PRR5L: variants seen among roughly 807,000 people sequenced by gnomAD.
PRR5L encodes the protein proline-rich protein 5-like.
PRR5L carries 21 observed loss-of-function variants against 36.4 expected under a neutral mutation model. That is an observed-to-expected ratio of 0.58 (90% CI 0.41 to 0.83). PRR5L has a LOEUF of 0.83. Among genes scored for constraint, PRR5L ranks in the 40% least tolerant of loss-of-function variants. The probability of loss-of-function intolerance (pLI) is 0.00; values close to 1 mark genes in which losing one functional copy is unlikely to be tolerated. For missense variants in PRR5L, 381 were observed against 473.3 expected (o/e 0.80, Z 1.81); for synonymous variants, 188 against 197.0 (o/e 0.95, Z 0.38).
intron 2 of PRR5L, among the ~76,000 whole-genome samples, chr11:36,401,569 C>A (rs1201319260): frequency 6.6e-6 from 1 of 152,102 alleles, no homozygotes; most frequent in Non-Finnish European, 1.5e-5. Context: ...GGACTACAGG[C>A]ACATGCCACC....
At chr11:36,373,488 G>A (rs1235476268) in intron 1 of PRR5L, among the ~76,000 whole-genome samples, 1 of 151,792 alleles carries the variant, frequency 6.6e-6, no homozygotes, top group Non-Finnish European at 1.5e-5. Flanking sequence ...TGATCCCAGT[G>A]CTTTGGGAGG....
chr11:36,410,474 C>T (rs12295535), intron 3 of PRR5L, among the ~76,000 whole-genome samples: 7,613 of 152,198 alleles, frequency 0.05, 257 homozygotes, highest in African/African-American at 0.099. Context: ...TTGGGATCTA[C>T]CAATGTATGG....
intron 1 of PRR5L, among the ~76,000 whole-genome samples, chr11:36,329,833 C>T (rs1447756298): frequency 6.6e-6 from 1 of 152,146 alleles, no homozygotes; most frequent in African/African-American, 2.4e-5. Context: ...ATACAGTTTC[C>T]TGAGACTGCC....
At chr11:36,370,506 G>T (rs552846667) in intron 1 of PRR5L, among the ~76,000 whole-genome samples, 1 of 152,290 alleles carries the variant, frequency 6.6e-6, no homozygotes, top group East Asian at 1.9e-4. Context: ...ACTGGTGCTT[G>T]ACACCAATAA....
chr11:36,318,534 CTG>C (rs1856581174), intron 1 of PRR5L, among the ~76,000 whole-genome samples: 1 of 150,956 alleles, frequency 6.6e-6, no homozygotes, highest in Non-Finnish European at 1.5e-5. Context: ...TGTGGAGCTA[CTG>C]TTAGCTATGA....
chr11:36,331,459 TAAA>T lies in PRR5L; in HGVS notation c.-126+35022_-126+35024del, dbSNP rs879890042. ...GAAAAAAAGATTTGGTTCTCTTAAA[TAAA>T]CAAAAACATGATAAAGATAACATAA... On this transcript the variant is annotated intron_variant, in intron 1 of 8. Transcript: ENST00000530639. 3.7e-3 allele frequency among the ~76,000 whole-genome samples: 556 copies of T among 152,258 alleles called. 2 individuals carry two copies. The highest frequency in any genetic ancestry group is 6.2e-3 in the Non-Finnish European group (424 of 68,002).
intron 1 of PRR5L, among the ~76,000 whole-genome samples, chr11:36,312,009 G>A (rs571380034): frequency 6.6e-6 from 1 of 152,314 alleles, no homozygotes; most frequent in African/African-American, 2.4e-5. Flanking sequence ...ATGGGAAGGA[G>A]TGAGAGGAGA....
intron 1 of PRR5L, among the ~76,000 whole-genome samples, chr11:36,376,966 C>G (rs940570347): frequency 6.6e-6 from 1 of 152,116 alleles, no homozygotes; most frequent in African/African-American, 2.4e-5. Flanking sequence ...AGGCCACGCT[C>G]CCGGTCTGCT....
chr11:36,350,945 TA>T (rs1565406389), intron 1 of PRR5L, among the ~76,000 whole-genome samples: 1,789 of 21,630 alleles, frequency 0.083, 276 homozygotes, highest in African/African-American at 0.14. Flanking sequence ...TATTTATATA[TA>T]TATATTTATA....
intron 1 of PRR5L, among the ~76,000 whole-genome samples, chr11:36,374,321 C>T (rs887746042): frequency 4.6e-5 from 7 of 152,126 alleles, no homozygotes; most frequent in Non-Finnish European, 8.8e-5. Context: ...TCTTGAACTC[C>T]TGACCTCGTG....
chr11:36,362,307 T>C (rs999036855), intron 1 of PRR5L: 2 of 152,040 alleles, frequency 1.3e-5, no homozygotes, highest in African/African-American at 4.8e-5. Context: ...AGGACCCTAT[T>C]CCTTCACTTT....
chr11:36,357,739 T>C (rs964109625), intron 1 of PRR5L, among the ~76,000 whole-genome samples: 1 of 152,190 alleles, frequency 6.6e-6, no homozygotes, highest in African/African-American at 2.4e-5. Context: ...AAAACATTAC[T>C]GCTCATTGAC....
intron 1 of PRR5L, among the ~76,000 whole-genome samples, chr11:36,354,326 G>A (rs1395227897): frequency 6.6e-6 from 1 of 152,148 alleles, no homozygotes; most frequent in South Asian, 2.1e-4. Context: ...CTATTTTATT[G>A]CTAGGAACAA....
chr11:36,416,755 G>A (rs1167704394), intron 3 of PRR5L, among the ~76,000 whole-genome samples: 1 of 152,158 alleles, frequency 6.6e-6, no homozygotes, highest in Non-Finnish European at 1.5e-5. Flanking sequence ...CTGCACCCTA[G>A]CTGCAATGTA....
At chr11:36,302,042 T>A (rs879659949) in intron 1 of PRR5L, among the ~76,000 whole-genome samples, 7 of 151,836 alleles carry the variant, frequency 4.6e-5, no homozygotes, top group Non-Finnish European at 8.8e-5. Context: ...TTGTTGGGAG[T>A]ATATGGGAGT....
Position 36,361,780 on chromosome 11 carries a change from C to G in PRR5L, c.-125-39217C>G, listed in dbSNP as rs564852283. ...ACCTAACACAAGTCACTTGTTTTTA[C>G]TTGTTTTTCTCCTTTGTTTTAGAGC... On this transcript the variant is annotated intron_variant, in intron 1 of 8. Transcript: ENST00000530639. Among the ~76,000 whole-genome samples the G allele has an allele frequency of 3.3e-5, 5 of 152,270 alleles. No homozygotes were observed. The South Asian group carries it at 8.3e-4, about 25-fold the overall frequency.
intron 1 of PRR5L, chr11:36,393,912 G>A (rs895130239): frequency 1.3e-5 from 2 of 152,126 alleles, no homozygotes; most frequent in African/African-American, 4.8e-5. Flanking sequence ...ACCATGTGAC[G>A]GCATGGCTAC....
chr11:36,366,988 C>T lies in PRR5L; in HGVS notation c.-125-34009C>T, dbSNP rs142704799. ...ATTTTTCCTTATTCCATTCGCCTTTCTATATATCCAATGCAGACTGCTGTC... is the reference window on the plus strand; with the variant it reads ...ATTTTTCCTTATTCCATTCGCCTTTTTATATATCCAATGCAGACTGCTGTC... On this transcript the variant is annotated intron_variant, in intron 1 of 8. Coordinates refer to ENST00000530639, the MANE Select transcript of PRR5L (RefSeq NM_001160167.2). 1.8e-3 allele frequency among the ~76,000 whole-genome samples: 268 copies of T among 152,240 alleles called. 2 individuals carry two copies. Among genetic ancestry groups the T allele is most frequent in the Middle Eastern group, 0.014 (4 of 292 alleles).
At chr11:36,446,854 T>A (rs959234766) in intron 7 of PRR5L, among the ~76,000 whole-genome samples, 2 of 152,200 alleles carry the variant, frequency 1.3e-5, no homozygotes, top group East Asian at 3.9e-4. Context: ...CAACCAGGAA[T>A]GAGGCTGTCT....
Sources: allele counts gnomAD v4.1 joint callset (sites outside exome capture counted in the v4.1 genomes callset), GRCh38; gene constraint gnomAD v4.1.1; transcripts MANE v1.5; gene names NCBI Gene and HGNC (gene_info 2026-07-23, HGNC 2026-07-21).